The following SPATA25 variants were observed in gnomAD, a reference collection of about 807,000 sequenced individuals.
SPATA25 encodes the protein spermatogenesis-associated protein 25.
SPATA25 carries 16 observed loss-of-function variants against 16.0 expected under a neutral mutation model. That is an observed-to-expected ratio of 1.00 (90% CI 0.68 to 1.52). SPATA25 has a LOEUF of 1.52. Ranked by LOEUF, SPATA25 falls within the 40% of genes most tolerant of loss-of-function variation. The pLI is 0.00. For synonymous variants in SPATA25, 115 were observed against 118.5 expected (o/e 0.97, Z 0.19); for missense variants, 285 against 289.2 (o/e 0.99, Z 0.11).
chr20:45,889,524 T>C (rs1986639463), upstream of SPATA25, among the ~76,000 whole-genome samples: 1 of 152,096 alleles, frequency 6.6e-6, no homozygotes, highest in African/African-American at 2.4e-5. Flanking sequence ...AGATAATTAT[T>C]TAATTTTTTG....
upstream of SPATA25, chr20:45,890,776 C>T (rs777466523): frequency 1.9e-6 from 3 of 1,608,584 alleles, no homozygotes; most frequent in South Asian, 2.2e-5. Flanking sequence ...CCAGCTCTTT[C>T]TCCTCGATCT....
chr20:45,890,838 C>A, upstream of SPATA25: 1 of 1,568,482 alleles, frequency 6.4e-7, no homozygotes, highest in East Asian at 2.3e-5. Context: ...AAGCACACGC[C>A]GTGGGCGAAG....
upstream of SPATA25, chr20:45,890,313 A>G: frequency 6.2e-7 from 1 of 1,613,400 alleles, no homozygotes; most frequent in Non-Finnish European, 8.5e-7. Context: ...ACCACCGCGT[A>G]GAGGGGCTGC....
chr20:45,890,715 G>A, upstream of SPATA25: 4 of 1,613,634 alleles, frequency 2.5e-6, no homozygotes, highest in South Asian at 4.4e-5. Context: ...ACGGGGGCCA[G>A]ACTGGCGGGG....
chr20:45,890,186 G>A, upstream of SPATA25: 2 of 1,587,560 alleles, frequency 1.3e-6, no homozygotes. Context: ...CATGGGCTAC[G>A]GAGCCCTAGT....
upstream of SPATA25, chr20:45,888,875 T>C (rs1353725250): frequency 6.2e-7 from 1 of 1,614,086 alleles, no homozygotes; most frequent in East Asian, 2.2e-5. Flanking sequence ...GGGATGGCAC[T>C]GTGGGAAGAA....
intron 1 of SPATA25, among the ~76,000 whole-genome samples, 180 bp from the exon 2 acceptor site, chr20:45,887,325 T>C (rs545723442): frequency 6.6e-6 from 1 of 152,206 alleles, no homozygotes; most frequent in African/African-American, 2.4e-5. Context: ...ACGGAGTAGG[T>C]GATGGAGAAG....
In SPATA25 at chr20:45,887,078, A is replaced by G. The variant is rs771572317; in HGVS notation, c.123T>C (p.Ser41=). 2 of 1,606,814 alleles carry G rather than the reference A, an allele frequency of 1.2e-6. No homozygotes were observed. The highest frequency in any genetic ancestry group is 2.2e-5 in the East Asian group (1 of 44,884). Residue 41 remains serine, a synonymous_variant, in exon 2 of 2, where the codon TCT becomes TCC. Transcript: ENST00000372519. ...CSPVEPVVVA[S]GGTGPLSQKA... ...TCTGGCTCAGTGGGCCTGTTCCACCAGAGGCCACCACCACTGGCTCTACAG... is the reference window on the plus strand; with the variant it reads ...TCTGGCTCAGTGGGCCTGTTCCACCGGAGGCCACCACCACTGGCTCTACAG...
upstream of SPATA25, among the ~76,000 whole-genome samples, chr20:45,889,697 T>A (rs184415944): frequency 9.2e-5 from 14 of 151,518 alleles, no homozygotes; most frequent in African/African-American, 2.9e-4. Context: ...CATTGCAACC[T>A]CCACCTCTCG....
chr20:45,886,835 A>G lies in SPATA25; in HGVS notation c.366T>C (p.Pro122=). Residue 122 remains proline (P), a synonymous_variant, in exon 2 of 2, where the codon CCT becomes CCC. Transcript: ENST00000372519. ...ACAGCCCACACAGCATCAGGGGCCT[A>G]GGCCTGCTGGGGCCACCCAGGTCAG... The part of the protein sequence containing the change: ...RAPDLGGPSR[P]RPLMLCGLSP... 1.2e-6 allele frequency: 2 copies of G among 1,613,962 alleles called. No individual in the cohort carries two copies. Among genetic ancestry groups the G allele is most frequent in the Non-Finnish European group, 1.7e-6 (2 of 1,180,046 alleles).
upstream of SPATA25, chr20:45,890,907 C>T (rs1032913181): frequency 1.3e-6 from 2 of 1,555,018 alleles, no homozygotes; most frequent in Non-Finnish European, 8.7e-7. Context: ...GCACCGTGCA[C>T]CCGATGGAAG....
Position 45,887,211 on chromosome 20 carries a change from G to A in SPATA25, c.56-66C>T. The stretch of plus-strand genomic sequence containing the variant: ...TTTGAGGAGGGGGCCCTGAGGGGCA[G>A]GGCATGGGAGCAGAGCTTGGGGGCG... On this transcript the variant is annotated intron_variant, in intron 1 of 1. Coordinates refer to ENST00000372519, the MANE Select transcript of SPATA25 (RefSeq NM_080608.4). The A allele has an allele frequency of 3.3e-6, 5 of 1,520,056 alleles. No homozygotes were observed. The South Asian group carries it at 6.3e-5, about 19-fold the overall frequency. The allele number at this position is 1,520,056 out of a possible 1,614,324, so 94.2% of individuals were successfully genotyped here.
At chr20:45,890,044 T>C (rs1234864999), upstream of SPATA25, 3 of 600,756 alleles carry the variant, frequency 5.0e-6, no homozygotes, top group Non-Finnish European at 8.8e-6. Context: ...TAGGGCATCT[T>C]AATCAATCAA....
chr20:45,887,774 C>T, upstream of SPATA25: 1 of 486,336 alleles, frequency 2.1e-6, no homozygotes, highest in African/African-American at 2.0e-5. Context: ...AGCACCAGAC[C>T]AGGAGCTGGG....
upstream of SPATA25, among the ~76,000 whole-genome samples, chr20:45,889,106 C>T (rs147343064): frequency 1.3e-5 from 2 of 152,304 alleles, no homozygotes; most frequent in African/African-American, 4.8e-5. Flanking sequence ...TCCCCATTCA[C>T]TTAGCAGCTT....
At chr20:45,890,734 G>A (rs147644955), upstream of SPATA25, 234 of 1,613,304 alleles carry the variant, frequency 1.5e-4, no homozygotes, top group African/African-American at 3.0e-3. Context: ...GGTCCAGCGC[G>A]GTCAGACCGA....
At chr20:45,888,127 C>A (rs149189132), upstream of SPATA25, among the ~76,000 whole-genome samples, 54 of 152,284 alleles carry the variant, frequency 3.5e-4, no homozygotes, top group South Asian at 0.011. Flanking sequence ...ATGCAATTCT[C>A]CTGCCTCAGC....
chr20:45,888,641 G>A, upstream of SPATA25: 3 of 930,286 alleles, frequency 3.2e-6, no homozygotes, highest in African/African-American at 4.9e-5. Flanking sequence ...TGATCAAGAT[G>A]TCAGCATCGG....
At chr20:45,890,339 C>T (rs1457088451), upstream of SPATA25, 6 of 1,612,956 alleles carry the variant, frequency 3.7e-6, no homozygotes, top group South Asian at 1.1e-5. Context: ...TGGCAGTCCC[C>T]GGGCGCTCGG....
Sources: allele counts gnomAD v4.1 joint callset (sites outside exome capture counted in the v4.1 genomes callset), GRCh38; gene constraint gnomAD v4.1.1; transcripts MANE v1.5; gene names NCBI Gene and HGNC (gene_info 2026-07-23, HGNC 2026-07-21).